Variants in APCDD1 observed in about 807,000 individuals in gnomAD.
The protein encoded by APCDD1 is protein APCDD1.
In APCDD1, 15 loss-of-function variants were observed where a neutral mutation model predicts 38.1. The observed-to-expected ratio is 0.39, with a 90% CI of 0.26 to 0.61. The LOEUF is 0.61. Ranked by LOEUF, APCDD1 falls within the 20% of genes least tolerant of loss-of-function variation. APCDD1 has a pLI of 0.49. For missense variants in APCDD1, 647 were observed against 696.2 expected, an observed-to-expected ratio of 0.93 and a Z score of 0.79; for synonymous variants, 261 against 279.7, an observed-to-expected ratio of 0.93 and a Z score of 0.67.
At chr18:10,461,527 T>A (rs2030540601) in intron 1 of APCDD1, among the ~76,000 whole-genome samples, 1 of 152,168 alleles carries the variant, frequency 6.6e-6, no homozygotes, top group African/African-American at 2.4e-5. Context: ...ACATTCTCAA[T>A]CAAGAGTGCC....
Position 10,485,346 on chromosome 18 carries a change from G to A in APCDD1, c.775-116G>A, listed in dbSNP as rs1017867001. 118 of 1,135,788 alleles carry A rather than the reference G, an allele frequency of 1.0e-4. No individual in the cohort carries two copies. In the African/African-American group the frequency reaches 1.6e-3, roughly 15 times the overall value. 70.4% of individuals were successfully genotyped at this position (1,135,788 alleles called of 1,614,324 possible). A position where few individuals can be genotyped will look rare whatever the true frequency, so the allele number is the denominator to read the frequency against. The stretch of plus-strand genomic sequence containing the variant: ...ATGATTCCAGTTGGTTCTTGGTGTC[G>A]AGGTTGTCAGTGATGGTGATCTGGT... On this transcript the variant is annotated intron_variant, in intron 3 of 4. Transcript: ENST00000355285. The surrounding 1 kb of genome is among the most constrained non-coding windows in gnomAD (Gnocchi z 5.8).
rs748506104 is a variant in APCDD1 at position 10,470,873 on chromosome 18, T to G, written c.243-657T>G. On this transcript the variant is annotated intron_variant, in intron 2 of 4. Coordinates refer to ENST00000355285, the MANE Select transcript of APCDD1 (RefSeq NM_153000.5). The surrounding 1 kb of genome is among the most constrained non-coding windows in gnomAD (Gnocchi z 4.1). ...TCTAAGGCCACACTGGCAACCATCA[T>G]AAACAAAAGGAACCCTTATTTCTGT... 6.6e-6 allele frequency among the ~76,000 whole-genome samples: 1 copy of G among 152,196 alleles called. No homozygotes were observed. The highest frequency in any genetic ancestry group is 1.5e-5 in the Non-Finnish European group (1 of 68,026).
In APCDD1 at chr18:10,475,796, G is replaced by GGC. The variant is rs2030980250; in HGVS notation, c.774+3736_774+3737insCG. ...TAGCTGCCTCGCAAGATGGCTGAGG[G>GGC]GGGGGGGGGTCAGTGGAAGGCCGAG... is the stretch of plus-strand genomic sequence containing the variant. On this transcript the variant is annotated intron_variant, in intron 3 of 4. Coordinates refer to ENST00000355285, the MANE Select transcript of APCDD1 (RefSeq NM_153000.5). This position sits in a 1 kb window ranked among gnomAD's most constrained non-coding sequence, Gnocchi z 4.0. 1 of 132,874 alleles carries GGC rather than the reference G, an allele frequency of 7.5e-6. No homozygotes were observed. The highest frequency in any genetic ancestry group is 3.0e-5 in the African/African-American group (1 of 33,064). 8.2% of individuals were successfully genotyped at this position (132,874 alleles called of 1,614,324 possible). A position where few individuals can be genotyped will look rare whatever the true frequency, so the allele number is the denominator to read the frequency against.
At chr18:10,455,100 A>G (rs896087838) in intron 1 of APCDD1, 61 bp downstream of exon 1, 12 of 1,542,130 alleles carry the variant, frequency 7.8e-6, no homozygotes, top group Non-Finnish European at 9.6e-6. Context: ...GGCGCCGCGG[A>G]GCCCGCGGAG....
At chr18:10,457,839 A>G (rs1450396535) in intron 1 of APCDD1, among the ~76,000 whole-genome samples, 1 of 152,218 alleles carries the variant, frequency 6.6e-6, no homozygotes, top group East Asian at 1.9e-4. Flanking sequence ...AGGCTCTGGC[A>G]AGACTTGAGC....
At position 10,485,855 on chromosome 18, in the gene APCDD1, C is replaced by A; in HGVS notation, c.1096+72C>A. The A allele has an allele frequency of 6.6e-7, 1 of 1,525,732 alleles. No individual in the cohort carries two copies. The highest frequency in any genetic ancestry group is 8.9e-7 in the Non-Finnish European group (1 of 1,121,458). 94.5% of individuals were successfully genotyped at this position (1,525,732 alleles called of 1,614,324 possible). A position where few individuals can be genotyped will look rare whatever the true frequency, so the allele number is the denominator to read the frequency against. On this transcript the variant is annotated intron_variant, in intron 4 of 4. Coordinates refer to ENST00000355285, the MANE Select transcript of APCDD1 (RefSeq NM_153000.5). This position sits in a 1 kb window ranked among gnomAD's most constrained non-coding sequence, Gnocchi z 5.8. ...CTGTGACATTTTTGTGGAGGCAGAGCTGAGGGAAAGGACCTCTTTTCTGCC... is the reference window on the plus strand; with the variant it reads ...CTGTGACATTTTTGTGGAGGCAGAGATGAGGGAAAGGACCTCTTTTCTGCC...
At chr18:10,464,401 T>C (rs1391088942) in intron 1 of APCDD1, among the ~76,000 whole-genome samples, 2 of 152,036 alleles carry the variant, frequency 1.3e-5, no homozygotes, top group Non-Finnish European at 2.9e-5. Flanking sequence ...TCCTAAAGTA[T>C]AGCAAATAAA....
intron 1 of APCDD1, among the ~76,000 whole-genome samples, chr18:10,462,349 C>CT (rs2030567061): frequency 6.6e-6 from 1 of 152,134 alleles, no homozygotes; most frequent in Non-Finnish European, 1.5e-5. Context: ...ACAAAAGTTC[C>CT]TTTTCAGATG....
In APCDD1 at chr18:10,488,128, T is replaced by G; in HGVS notation, c.*90T>G. On this transcript the variant is annotated 3_prime_UTR_variant, in exon 5 of 5. Coordinates refer to ENST00000355285, the MANE Select transcript of APCDD1 (RefSeq NM_153000.5). ...AAAGAAAAGACATTTATTCTTTTGA[T>G]GCACTTGAATGCCAGAGAACTGTCC... 2.7e-6 allele frequency: 4 copies of G among 1,456,108 alleles called. No homozygotes were observed. Among genetic ancestry groups the G allele is most frequent in the Non-Finnish European group, 3.7e-6 (4 of 1,067,476 alleles). 90.2% of individuals were successfully genotyped at this position (1,456,108 alleles called of 1,614,324 possible).
chr18:10,469,760 ACT>A lies in APCDD1; in HGVS notation c.242+1109_242+1110del, dbSNP rs2030807400. Among the ~76,000 whole-genome samples, 1 of 152,196 alleles carries A rather than the reference ACT, an allele frequency of 6.6e-6. No individual in the cohort carries two copies. Among genetic ancestry groups the A allele is most frequent in the African/African-American group, 2.4e-5 (1 of 41,450 alleles). On this transcript the variant is annotated intron_variant, in intron 2 of 4. Transcript: ENST00000355285. This position sits in a 1 kb window ranked among gnomAD's most constrained non-coding sequence, Gnocchi z 5.5. ...CTGAGACATTGTTGGCTGTGCAAAG[ACT>A]GTGGGAAGAGCTTTGTATTTAAAGA...
In APCDD1 at chr18:10,454,834, C is replaced by T. The variant is rs2030325768; in HGVS notation, c.-148C>T. ...CGCGCCCCGCAGCCCCGCGCCTAGC[C>T]CGCCGGGCATGGGGCGCGCGGCAGC... On this transcript the variant is annotated 5_prime_UTR_variant, in exon 1 of 5. Coordinates refer to ENST00000355285, the MANE Select transcript of APCDD1 (RefSeq NM_153000.5). 2.0e-6 allele frequency: 2 copies of T among 1,008,674 alleles called. No individual in the cohort carries two copies. Among genetic ancestry groups the T allele is most frequent in the African/African-American group, 1.7e-5 (1 of 57,182 alleles). 62.5% of individuals were successfully genotyped at this position (1,008,674 alleles called of 1,614,324 possible).
In APCDD1 at chr18:10,470,739, T is replaced by C. The variant is rs1252391117; in HGVS notation, c.243-791T>C. On this transcript the variant is annotated intron_variant, in intron 2 of 4. Transcript: ENST00000355285. This position sits in a 1 kb window ranked among gnomAD's most constrained non-coding sequence, Gnocchi z 4.1. ...ACCCCCATTGCAGCCTCAGCTAGTATATGTGAATGGCTGACAGAGCCGTTT... is the reference window on the plus strand; with the variant it reads ...ACCCCCATTGCAGCCTCAGCTAGTACATGTGAATGGCTGACAGAGCCGTTT... Among the ~76,000 whole-genome samples, 2 of 152,214 alleles carry C rather than the reference T, an allele frequency of 1.3e-5. No homozygotes were observed. The highest frequency in any genetic ancestry group is 1.9e-4 in the East Asian group (1 of 5,186).
At chr18:10,473,011 T>C (rs891475696) in intron 3 of APCDD1, among the ~76,000 whole-genome samples, 4 of 152,046 alleles carry the variant, frequency 2.6e-5, no homozygotes, top group African/African-American at 9.7e-5. Flanking sequence ...GTGGAGTATC[T>C]CCCCGGCCGT....
chr18:10,488,183 C>G lies in APCDD1; in HGVS notation c.*145C>G, dbSNP rs1598401780. 3 of 1,037,560 alleles carry G rather than the reference C, an allele frequency of 2.9e-6. No homozygotes were observed. The highest frequency in any genetic ancestry group is 4.2e-6 in the Non-Finnish European group (3 of 708,656). 64.3% of individuals were successfully genotyped at this position (1,037,560 alleles called of 1,614,324 possible). On this transcript the variant is annotated 3_prime_UTR_variant, in exon 5 of 5. Transcript: ENST00000355285. ...TTTTCTCCTCTCCCTCCCTCCCAGC[C>G]CCTGAGTCATGAACAGCAAGGAGTG...
At chr18:10,473,092 TTGG>T (rs1364255496) in intron 3 of APCDD1, among the ~76,000 whole-genome samples, 3 of 152,228 alleles carry the variant, frequency 2.0e-5, no homozygotes, top group African/African-American at 7.2e-5. Flanking sequence ...TAACTTTTGT[TTGG>T]TGGTTTCTTC....
Position 10,485,760 on chromosome 18 carries a change from G to A in APCDD1, c.1073G>A (p.Gly358Glu), listed in dbSNP as rs1013336509. The part of the protein sequence containing the change: ...SRGVLSSRVM[G>E]GTEFVFKVNH... ...GGCGTCCTCTCGTCCAGGGTCATGGGAGGCACCGAGTTCGTGTTCAAAGGT... is the reference window on the plus strand; with the variant it reads ...GGCGTCCTCTCGTCCAGGGTCATGGAAGGCACCGAGTTCGTGTTCAAAGGT... The change falls in exon 4 of 5, where the codon GGA becomes GAA. Residue 358 changes from glycine to glutamate, a missense_variant. Physicochemically the swap from Gly to Glu is moderately conservative, Grantham distance 98. Coordinates refer to ENST00000355285, the MANE Select transcript of APCDD1 (RefSeq NM_153000.5). The surrounding 1 kb of genome is among the most constrained non-coding windows in gnomAD (Gnocchi z 5.8). 15 of 1,613,436 alleles carry A rather than the reference G, an allele frequency of 9.3e-6. No homozygotes were observed. The highest frequency in any genetic ancestry group is 1.3e-5 in the African/African-American group (1 of 75,056).
Position 10,487,777 on chromosome 18 carries a change from A to G in APCDD1, c.1284A>G (p.Glu428=), listed in dbSNP as rs760496693. The change falls in exon 5 of 5, where the codon GAA becomes GAG. Residue 428 remains glutamate (E), a synonymous_variant. Transcript: ENST00000355285. ...CGGAGTACGAGATCTTCAAAATGGA[A>G]CAGGATGCCCGGGGGCGCTATCTGC... is the stretch of plus-strand genomic sequence containing the variant. ...PHTEYEIFKM[E]QDARGRYLLF... is the part of the protein sequence containing the mutation. 11 of 1,613,998 alleles carry G rather than the reference A, an allele frequency of 6.8e-6. No individual in the cohort carries two copies. The African/African-American group carries it at 1.2e-4, about 18-fold the overall frequency.
At chr18:10,468,361 A>T in intron 1 of APCDD1, 108 bp from the exon 2 acceptor site, 1 of 1,196,154 alleles carries the variant, frequency 8.4e-7, no homozygotes, top group Non-Finnish European at 1.2e-6. Context: ...TAGAATAAAC[A>T]ATCATTTCCC....
intron 3 of APCDD1, among the ~76,000 whole-genome samples, chr18:10,482,102 G>GA (rs2031155010): frequency 6.6e-6 from 1 of 152,092 alleles, no homozygotes; most frequent in Non-Finnish European, 1.5e-5. Context: ...CGTCATCCCA[G>GA]AAGCATCTCT....
Sources: allele counts gnomAD v4.1 joint callset (sites outside exome capture counted in the v4.1 genomes callset), GRCh38; gene constraint gnomAD v4.1.1; non-coding constraint Gnocchi (gnomAD v3.1); transcripts MANE v1.5; gene names NCBI Gene and HGNC (gene_info 2026-07-23, HGNC 2026-07-21).